The following FSTL5 variants were observed in gnomAD, a reference collection of about 807,000 sequenced individuals.
The protein encoded by FSTL5 is follistatin-related protein 5.
Under a neutral mutation model 89.1 loss-of-function variants are expected in FSTL5, and 62 were observed. The observed-to-expected ratio is 0.70, with a 90% CI of 0.57 to 0.86. The LOEUF is 0.86. Ranked by LOEUF, FSTL5 falls within the 40% of genes least tolerant of loss-of-function variation. The pLI is 0.00. For synonymous variants in FSTL5, 383 were observed against 346.2 expected, an observed-to-expected ratio of 1.11 and a Z score of -1.18; for missense variants, 1,057 against 1,001.6, an observed-to-expected ratio of 1.06 and a Z score of -0.75.
At chr4:161,730,490 A>G (rs766780409) in intron 6 of FSTL5, among the ~76,000 whole-genome samples, 1 of 152,104 alleles carries the variant, frequency 6.6e-6, no homozygotes, top group African/African-American at 2.4e-5. Context: ...TTTGTTTACT[A>G]TATACTTTAA....
chr4:161,491,951 C>G (rs1578875118), intron 12 of FSTL5, among the ~76,000 whole-genome samples: 1 of 151,940 alleles, frequency 6.6e-6, no homozygotes, highest in Non-Finnish European at 1.5e-5. Context: ...GTAGTTGCAC[C>G]CTTCAAATGT....
intron 12 of FSTL5, chr4:161,494,999 C>T (rs6842653): frequency 0.18 from 26,861 of 152,028 alleles, 2,641 homozygotes; most frequent in East Asian, 0.37. Context: ...GAACTTGAGA[C>T]TGCAGTGAGC....
intron 2 of FSTL5, among the ~76,000 whole-genome samples, chr4:162,065,213 G>A (rs895953639): frequency 5.3e-5 from 8 of 151,768 alleles, no homozygotes; most frequent in Admixed American, 2.6e-4. Context: ...ATTTTTTAGG[G>A]TATCTTAAAA....
intron 6 of FSTL5, chr4:161,664,894 T>G: frequency 5.3e-6 from 1 of 190,256 alleles, no homozygotes; most frequent in Admixed American, 5.9e-5. Context: ...CAAGAGAAAA[T>G]GAGGAAGAAG....
At chr4:161,751,311 T>C (rs770952296) in intron 6 of FSTL5, among the ~76,000 whole-genome samples, 6 of 152,178 alleles carry the variant, frequency 3.9e-5, no homozygotes, top group Non-Finnish European at 7.3e-5. Context: ...TTACTATGTT[T>C]AGGAGCAAAA....
At chr4:162,010,656 A>C (rs1736739219) in intron 3 of FSTL5, among the ~76,000 whole-genome samples, 1 of 152,216 alleles carries the variant, frequency 6.6e-6, no homozygotes. Flanking sequence ...GTATTTACAG[A>C]CTTGCCTATT....
chr4:162,057,920 G>T (rs1318313322), intron 2 of FSTL5, among the ~76,000 whole-genome samples: 1 of 151,920 alleles, frequency 6.6e-6, no homozygotes, highest in Admixed American at 6.6e-5. Context: ...CTCCAGCCTG[G>T]GTAAGAGAGT....
At chr4:161,705,946 ATGTGTG>A (rs747996918) in intron 6 of FSTL5, among the ~76,000 whole-genome samples, 2 of 45,028 alleles carry the variant, frequency 4.4e-5, no homozygotes, top group Non-Finnish European at 9.8e-5. Context: ...GTGTGTGTAG[ATGTGTG>A]TATATATATA....
At chr4:161,851,263 A>T (rs1395485108) in intron 4 of FSTL5, among the ~76,000 whole-genome samples, 1 of 152,190 alleles carries the variant, frequency 6.6e-6, no homozygotes, top group Non-Finnish European at 1.5e-5. Context: ...TTCTCTTTTA[A>T]TTGAAATATA....
At chr4:161,800,893 G>A (rs1729770674) in intron 4 of FSTL5, among the ~76,000 whole-genome samples, 2 of 151,488 alleles carry the variant, frequency 1.3e-5, no homozygotes, top group Non-Finnish European at 3.0e-5. Flanking sequence ...TGAATATTAT[G>A]AAACATATTT....
chr4:161,959,251 G>A (rs994433159), intron 3 of FSTL5, among the ~76,000 whole-genome samples: 8 of 151,944 alleles, frequency 5.3e-5, no homozygotes, highest in East Asian at 3.9e-4. Flanking sequence ...ATTGTGTTAC[G>A]ATGAGCAAAA....
intron 7 of FSTL5, among the ~76,000 whole-genome samples, chr4:161,643,641 C>A (rs1265952042): frequency 6.6e-6 from 1 of 152,100 alleles, no homozygotes; most frequent in Non-Finnish European, 1.5e-5. Flanking sequence ...TTCCCCTCAT[C>A]TTTTTCTTGC....
At chr4:162,107,527 C>T (rs1212400542) in intron 2 of FSTL5, among the ~76,000 whole-genome samples, 1 of 152,070 alleles carries the variant, frequency 6.6e-6, no homozygotes, top group African/African-American at 2.4e-5. Flanking sequence ...TGCTCACACA[C>T]AGATTTTGGG....
At chr4:161,796,145 A>G (rs984088407) in intron 4 of FSTL5, among the ~76,000 whole-genome samples, 1 of 152,052 alleles carries the variant, frequency 6.6e-6, no homozygotes, top group Middle Eastern at 3.4e-3. Flanking sequence ...TACCCATTCA[A>G]GTTTGGATTT....
At chr4:161,621,825 T>TAAAAAA (rs1735137252) in intron 7 of FSTL5, among the ~76,000 whole-genome samples, 2 of 31,796 alleles carry the variant, frequency 6.3e-5, no homozygotes, top group Non-Finnish European at 1.2e-4. Flanking sequence ...CTTCTAAAAA[T>TAAAAAA]ACAAAAAAAA....
intron 6 of FSTL5, among the ~76,000 whole-genome samples, chr4:161,736,372 G>A (rs963128338): frequency 1.3e-4 from 19 of 151,994 alleles, no homozygotes; most frequent in African/African-American, 4.6e-4. Flanking sequence ...TGAATTTAGA[G>A]TAATAAAATG....
chr4:161,735,941 A>G (rs994730217), intron 6 of FSTL5, among the ~76,000 whole-genome samples: 2 of 152,140 alleles, frequency 1.3e-5, no homozygotes, highest in Non-Finnish European at 2.9e-5. Flanking sequence ...AAAAAAAGAG[A>G]GAAAGAAAAG....
intron 1 of FSTL5, among the ~76,000 whole-genome samples, chr4:162,147,206 T>G (rs1276596729): frequency 6.6e-6 from 1 of 152,154 alleles, no homozygotes; most frequent in African/African-American, 2.4e-5. Context: ...CTTCAAAATT[T>G]TATAAATATT....
At chr4:161,858,356 C>T (rs936695068) in intron 4 of FSTL5, among the ~76,000 whole-genome samples, 1 of 152,134 alleles carries the variant, frequency 6.6e-6, no homozygotes, top group Non-Finnish European at 1.5e-5. Context: ...TTAAGACATC[C>T]ACCTTGAAGG....
Sources: allele counts gnomAD v4.1 joint callset (sites outside exome capture counted in the v4.1 genomes callset), GRCh38; gene constraint gnomAD v4.1.1; transcripts MANE v1.5; gene names NCBI Gene and HGNC (gene_info 2026-07-23, HGNC 2026-07-21).